Variants in LDB3 observed in about 807,000 individuals in gnomAD.
LDB3 encodes LIM domain binding 3.
In LDB3, 49 loss-of-function variants were observed where a neutral mutation model predicts 69.0. That is an observed-to-expected ratio of 0.71 (90% CI 0.56 to 0.90). The LOEUF (loss-of-function observed/expected upper bound fraction) is 0.90. Ranked by LOEUF, LDB3 falls within the 40% of genes least tolerant of loss-of-function variation. The pLI, the probability that LDB3 is intolerant of heterozygous loss-of-function variation, is 0.00. For missense variants in LDB3, 928 were observed against 974.1 expected (o/e 0.95, Z 0.63); for synonymous variants, 387 against 396.2 (o/e 0.98, Z 0.28).
intron 5 of LDB3, among the ~76,000 whole-genome samples, chr10:86,683,519 C>T (rs1845277866): frequency 6.6e-6 from 1 of 152,234 alleles, no homozygotes; most frequent in African/African-American, 2.4e-5. Flanking sequence ...CTCTGCTTCC[C>T]ATAGTGCCTA....
Position 86,726,154 on chromosome 10 carries a change from A to G in LDB3, c.1996A>G (p.Ser666Gly), listed in dbSNP as rs1299786778. 1.2e-6 allele frequency: 2 copies of G among 1,613,832 alleles called. No homozygotes were observed. The highest frequency in any genetic ancestry group is 1.7e-6 in the Non-Finnish European group (2 of 1,179,908). Residue 666 changes from serine (S) to glycine (G), a missense_variant, in exon 13 of 14, where the codon AGC becomes GGC. Ser to Gly is a moderately conservative substitution (Grantham distance 56). Coordinates refer to ENST00000361373, the MANE Select transcript of LDB3 (RefSeq NM_007078.3). ...YCEKDYINLF[S>G]TKCHGCDFPV... ...CATTTCAGACTACATCAATCTGTTCAGCACCAAGTGCCATGGCTGCGATTT... is the reference window on the plus strand; with the variant it reads ...CATTTCAGACTACATCAATCTGTTCGGCACCAAGTGCCATGGCTGCGATTT...
intron 5 of LDB3, among the ~76,000 whole-genome samples, chr10:86,686,908 C>A (rs80104479): frequency 3.9e-5 from 6 of 152,290 alleles, no homozygotes; most frequent in African/African-American, 1.4e-4. Context: ...CACCCACCAT[C>A]TGGAGACTTG....
intron 5 of LDB3, 58 bp from the exon 6 acceptor site, chr10:86,691,838 C>G: frequency 6.3e-7 from 1 of 1,593,714 alleles, no homozygotes; most frequent in Non-Finnish European, 8.6e-7. Flanking sequence ...AGGGACCCAG[C>G]AGGGTGGGAA....
At chr10:86,672,820 T>G (rs888043607) in intron 2 of LDB3, among the ~76,000 whole-genome samples, 1 of 152,248 alleles carries the variant, frequency 6.6e-6, no homozygotes. Flanking sequence ...TGGAGGCCCC[T>G]GGGCCAGGAC....
intron 9 of LDB3, among the ~76,000 whole-genome samples, chr10:86,711,310 C>G (rs1384937072): frequency 6.6e-6 from 1 of 152,106 alleles, no homozygotes; most frequent in Non-Finnish European, 1.5e-5. Flanking sequence ...CGCCCTGCGT[C>G]TCCTTCCTCC....
chr10:86,722,553 C>T (rs953774299), intron 12 of LDB3, among the ~76,000 whole-genome samples: 2 of 136,210 alleles, frequency 1.5e-5, no homozygotes, highest in African/African-American at 5.4e-5. Flanking sequence ...AGCCACCGTG[C>T]CTGGCCTTTT....
chr10:86,723,179 A>T (rs1455420575), intron 12 of LDB3, among the ~76,000 whole-genome samples: 3 of 140,152 alleles, frequency 2.1e-5, no homozygotes, highest in Non-Finnish European at 4.6e-5. Flanking sequence ...CTGAGGTGGG[A>T]GGATGGTTTG....
Position 86,699,129 on chromosome 10 carries a change from C to A in LDB3, c.896+6558C>A. 1 of 764,434 alleles carries A rather than the reference C, an allele frequency of 1.3e-6. No individual in the cohort carries two copies. Among genetic ancestry groups the A allele is most frequent in the Non-Finnish European group, 2.2e-6 (1 of 454,780 alleles). The allele number at this position is 764,434 out of a possible 1,614,324, so 47.4% of individuals were successfully genotyped here. A position where few individuals can be genotyped will look rare whatever the true frequency, so the allele number is the denominator to read the frequency against. ...ATTGCATAGCTTCTCCAAGCCCGTT[C>A]CCTCCCTCCCATGCCCTCTGCCCCA... On this transcript the variant is annotated intron_variant, in intron 7 of 13. Transcript: ENST00000361373. The surrounding 1 kb of genome is among the most constrained non-coding windows in gnomAD (Gnocchi z 4.9).
At chr10:86,687,179 C>G (rs753193786) in intron 5 of LDB3, 1 of 1,614,224 alleles carries the variant, frequency 6.2e-7, no homozygotes, top group South Asian at 1.1e-5. Context: ...ATCATCCATG[C>G]GCAGTACAAC....
intron 2 of LDB3, among the ~76,000 whole-genome samples, chr10:86,676,448 A>G (rs967265887): frequency 6.6e-6 from 1 of 151,992 alleles, no homozygotes; most frequent in African/African-American, 2.4e-5. Flanking sequence ...TTGTGGTCTC[A>G]GCTACTGTGG....
rs1844983187 is a variant in LDB3 at position 86,679,377 on chromosome 10, G to A, written c.104G>A (p.Gly35Asp). 1 of 1,614,116 alleles carries A rather than the reference G, an allele frequency of 6.2e-7. No homozygotes were observed. Among genetic ancestry groups the A allele is most frequent in the Non-Finnish European group, 8.5e-7 (1 of 1,180,034 alleles). ...MPLTISRITP[G>D]SKAAQSQLSQ... ...CCACTATCCAATCAGATCACACCAG[G>A]CAGCAAGGCAGCCCAGTCCCAGCTC... Residue 35 changes from glycine (G) to aspartate (D), a missense_variant, in exon 3 of 14, where the codon GGC (glycine) becomes GAC (aspartate). Gly to Asp is a moderately conservative substitution (Grantham distance 94, BLOSUM62 -1). Coordinates refer to ENST00000361373, the MANE Select transcript of LDB3 (RefSeq NM_007078.3).
intron 13 of LDB3, among the ~76,000 whole-genome samples, chr10:86,731,385 C>T (rs779168081): frequency 2.6e-5 from 4 of 151,526 alleles, no homozygotes; most frequent in Admixed American, 6.6e-5. Context: ...CCACCACACC[C>T]GGCTAATTTT....
intron 10 of LDB3, 26 bp downstream of exon 10, chr10:86,716,797 T>G (rs1371806886): frequency 6.3e-7 from 1 of 1,575,380 alleles, no homozygotes; most frequent in Non-Finnish European, 8.6e-7. Context: ...GCCCCTGCAC[T>G]GGGGCACTGG....
intron 8 of LDB3, among the ~76,000 whole-genome samples, chr10:86,708,696 T>G (rs749141060): frequency 2.0e-5 from 3 of 152,178 alleles, no homozygotes; most frequent in Non-Finnish European, 2.9e-5. Flanking sequence ...AGCCAGAAAC[T>G]CGGCAGCTTG....
At chr10:86,681,394 C>T (rs1324157059) in intron 4 of LDB3, 42 bp from the exon 5 acceptor site, 2 of 1,597,896 alleles carry the variant, frequency 1.3e-6, no homozygotes, top group South Asian at 1.1e-5. Flanking sequence ...TGGCCTCTAA[C>T]CGCTCTCTTC....
chr10:86,733,136 A>T lies in LDB3; in HGVS notation c.*160A>T. The T allele has an allele frequency of 1.6e-6, 1 of 643,712 alleles. No individual in the cohort carries two copies. The highest frequency in any genetic ancestry group is 2.8e-6 in the Non-Finnish European group (1 of 359,010). The allele number at this position is 643,712 out of a possible 1,614,324, so 39.9% of individuals were successfully genotyped here. ...TTTAGGTTTTTTCTTCTGTACACAG[A>T]TCGTGCATTTGCATAGTTCAGACTA... On this transcript the variant is annotated 3_prime_UTR_variant, in exon 14 of 14. Coordinates refer to ENST00000361373, the MANE Select transcript of LDB3 (RefSeq NM_007078.3).
chr10:86,674,649 A>G (rs1564630010), intron 2 of LDB3, among the ~76,000 whole-genome samples: 2 of 152,192 alleles, frequency 1.3e-5, no homozygotes, highest in Non-Finnish European at 2.9e-5. Flanking sequence ...AGTGGGAATG[A>G]AACACTCATT....
intron 12 of LDB3, among the ~76,000 whole-genome samples, chr10:86,723,407 G>A (rs1256034817): frequency 6.6e-6 from 1 of 151,812 alleles, no homozygotes; most frequent in Non-Finnish European, 1.5e-5. Context: ...AGGGCATGAA[G>A]ACTTCCCTGA....
intron 9 of LDB3, among the ~76,000 whole-genome samples, chr10:86,712,335 C>T (rs1003700439): frequency 2.0e-5 from 3 of 152,128 alleles, no homozygotes; most frequent in African/African-American, 7.2e-5. Context: ...TGGAGGGAAG[C>T]GACTGCCAGG....
Sources: gnomAD v4.1 joint callset for allele counts (sites outside exome capture counted in the v4.1 genomes callset) on GRCh38, gnomAD v4.1.1 for gene constraint, Gnocchi (gnomAD v3.1) non-coding constraint, MANE v1.5 for transcripts, NCBI Gene and HGNC (gene_info 2026-07-23, HGNC 2026-07-21) for gene names.